RIMS1: variants seen among roughly 807,000 people sequenced by gnomAD.
The protein encoded by RIMS1 is regulating synaptic membrane exocytosis protein 1.
RIMS1 carries 83 observed loss-of-function variants against 214.1 expected under a neutral mutation model. The observed-to-expected ratio is 0.39, with a 90% CI of 0.32 to 0.47. RIMS1 has a LOEUF of 0.47. Ranked by LOEUF, RIMS1 falls within the 20% of genes least tolerant of loss-of-function variation. The pLI, the probability that RIMS1 is intolerant of heterozygous loss-of-function variation, is 0.99. For synonymous variants in RIMS1, 793 were observed against 786.8 expected, an observed-to-expected ratio of 1.01 and a Z score of -0.13; for missense variants, 2,050 against 2,161.8, an observed-to-expected ratio of 0.95 and a Z score of 1.03.
intron 26 of RIMS1, among the ~76,000 whole-genome samples, chr6:72,302,197 A>G (rs1361443604): frequency 6.6e-6 from 1 of 151,502 alleles, no homozygotes; most frequent in Non-Finnish European, 1.5e-5. Context: ...ATCTATGCCT[A>G]GTAATTCCCA....
chr6:72,348,205 ACT>A (rs1197475960), intron 29 of RIMS1, among the ~76,000 whole-genome samples: 1 of 151,882 alleles, frequency 6.6e-6, no homozygotes, highest in East Asian at 1.9e-4. Flanking sequence ...AGTACAGTTG[ACT>A]CTTAAACAAT....
intron 1 of RIMS1, among the ~76,000 whole-genome samples, chr6:71,947,282 A>G (rs550547403): frequency 6.6e-6 from 1 of 152,288 alleles, no homozygotes; most frequent in South Asian, 2.1e-4. Context: ...TATTCACAAT[A>G]GCCAAGATAT....
chr6:71,903,043 AGTG>A (rs1289577046), intron 1 of RIMS1, among the ~76,000 whole-genome samples: 1 of 152,160 alleles, frequency 6.6e-6, no homozygotes, highest in Admixed American at 6.5e-5. Context: ...GCATATACCC[AGTG>A]ATGGGATTGC....
rs544232460 is a variant in RIMS1 at position 72,350,158 on chromosome 6, C to T, written c.4366+16323C>T. The stretch of plus-strand genomic sequence containing the variant: ...TTTGTGGGAAAAATATTTAATAAAT[C>T]ACAGAATTTTAAAAATCTAATTTTT... On this transcript the variant is annotated intron_variant, in intron 29 of 33. Coordinates refer to ENST00000521978, the MANE Select transcript of RIMS1 (RefSeq NM_014989.7). Among the ~76,000 whole-genome samples the T allele has an allele frequency of 9.2e-5, 14 of 151,928 alleles. No homozygotes were observed. The South Asian group carries it at 2.9e-3, about 32-fold the overall frequency.
rs767877250 is a variant in RIMS1, at chr6:72,097,105, T to C, written c.402T>C (p.Tyr134=). Residue 134 remains tyrosine, a synonymous_variant, in exon 3 of 34, where the codon TAT becomes TAC. Coordinates refer to ENST00000521978, the MANE Select transcript of RIMS1 (RefSeq NM_014989.7). ...FADGCGHLCS[Y]CRTKFCARCG... is the part of the protein sequence containing the mutation. ...ATGGGTGCGGTCATCTCTGCTCCTATTGTCGCACTAAGTTCTGTGCGCGCT... is the reference window on the plus strand; with the variant it reads ...ATGGGTGCGGTCATCTCTGCTCCTACTGTCGCACTAAGTTCTGTGCGCGCT... 2.4e-5 allele frequency: 38 copies of C among 1,613,906 alleles called. No individual in the cohort carries two copies. Among genetic ancestry groups the C allele is most frequent in the East Asian group, 8.9e-5 (4 of 44,890 alleles).
intron 22 of RIMS1, 39 bp from the exon 23 acceptor site, chr6:72,274,310 A>T (rs2084983667): frequency 1.4e-6 from 2 of 1,422,456 alleles, no homozygotes; most frequent in Non-Finnish European, 9.9e-7. Context: ...GAGTTACTAA[A>T]TGTCCTGTTT....
intron 2 of RIMS1, among the ~76,000 whole-genome samples, chr6:71,984,290 A>T (rs1324312708): frequency 6.6e-6 from 1 of 152,132 alleles, no homozygotes; most frequent in East Asian, 1.9e-4. Context: ...ATGGGAAGTA[A>T]AGGTTGTGGA....
rs60978061 is a variant in RIMS1 at position 72,001,023 on chromosome 6, T to TAA, written c.245+31966_245+31967dup. On this transcript the variant is annotated intron_variant, in intron 2 of 33. Coordinates refer to ENST00000521978, the MANE Select transcript of RIMS1 (RefSeq NM_014989.7). ...GGTCATCCTAAATTTAAAACACCTGTAAAAAAATTCATAAATTCATATTCT... is the reference window on the plus strand; with the variant it reads ...GGTCATCCTAAATTTAAAACACCTGTAAAAAAAAATTCATAAATTCATATTCT... Among the ~76,000 whole-genome samples the TAA allele has an allele frequency of 4.6e-5, 7 of 151,908 alleles. 1 individual carries two copies. In the East Asian group the frequency reaches 1.4e-3, roughly 29 times the overall value.
At chr6:72,337,244 T>A (rs899207063) in intron 29 of RIMS1, among the ~76,000 whole-genome samples, 18 of 151,816 alleles carry the variant, frequency 1.2e-4, no homozygotes, top group African/African-American at 4.1e-4. Context: ...CCAGCCTGTG[T>A]AATGTAAGGA....
At position 72,121,023 on chromosome 6, in the gene RIMS1, T is replaced by G. The variant is rs529067325; in HGVS notation, c.471+21037T>G. ...TTCCATTGGTCTATATCTCTGTTTT[T>G]GTACCAGTAGCATGCTGTTTTGGTT... On this transcript the variant is annotated intron_variant, in intron 4 of 33. Coordinates refer to ENST00000521978, the MANE Select transcript of RIMS1 (RefSeq NM_014989.7). Among the ~76,000 whole-genome samples, 10 of 151,960 alleles carry G rather than the reference T, an allele frequency of 6.6e-5. 1 individual carries two copies. The highest frequency in any genetic ancestry group is 2.6e-4 in the Admixed American group (4 of 15,234).
At chr6:72,033,772 G>A (rs745738389) in intron 2 of RIMS1, among the ~76,000 whole-genome samples, 7 of 152,208 alleles carry the variant, frequency 4.6e-5, no homozygotes, top group East Asian at 3.9e-4. Context: ...GTGAGCTACC[G>A]TGCCCGGCCA....
chr6:72,100,565 G>A (rs148874899), intron 4 of RIMS1, among the ~76,000 whole-genome samples: 7 of 151,738 alleles, frequency 4.6e-5, no homozygotes, highest in Non-Finnish European at 1.0e-4. Context: ...AACCACAGAG[G>A]CTCTTTGTGC....
Position 72,235,675 on chromosome 6 carries a change from C to A in RIMS1, c.1804C>A (p.Leu602Ile). Reference sequence around the variant, plus strand: ...GGACCGATTAATTGGACGTGTTATTCTTAACAAGAGAACAACCATGCCCAA... The same window carrying A: ...GGACCGATTAATTGGACGTGTTATTATTAACAAGAGAACAACCATGCCCAA... Reference protein sequence around the residue: ...EGDRLIGRVILNKRTTMPKDS... With the variant: ...EGDRLIGRVIINKRTTMPKDS... Residue 602 changes from leucine to isoleucine, a missense_variant, in exon 8 of 34, where the codon CTT (leucine) becomes ATT (isoleucine). By Grantham distance (5) the Leu-to-Ile change is conservative. Coordinates refer to ENST00000521978, the MANE Select transcript of RIMS1 (RefSeq NM_014989.7). The A allele has an allele frequency of 1.2e-6, 2 of 1,610,954 alleles. No homozygotes were observed. Among genetic ancestry groups the A allele is most frequent in the South Asian group, 1.1e-5 (1 of 90,436 alleles).
intron 6 of RIMS1, among the ~76,000 whole-genome samples, chr6:72,228,706 A>G (rs1389960992): frequency 6.6e-6 from 1 of 151,842 alleles, no homozygotes; most frequent in East Asian, 1.9e-4. Context: ...TGGTAGTTCT[A>G]TTTTTAATTC....
intron 1 of RIMS1, among the ~76,000 whole-genome samples, chr6:71,957,522 G>A (rs781121172): frequency 5.6e-5 from 8 of 142,158 alleles, no homozygotes; most frequent in Non-Finnish European, 1.0e-4. Flanking sequence ...GACAAAAGTG[G>A]TGACAAATTT....
At chr6:72,022,273 C>T (rs935931876) in intron 2 of RIMS1, among the ~76,000 whole-genome samples, 1 of 152,140 alleles carries the variant, frequency 6.6e-6, no homozygotes, top group African/African-American at 2.4e-5. Context: ...AAGTTGTTTA[C>T]ACATAAAGGT....
chr6:71,896,590 G>C (rs999595866), intron 1 of RIMS1, among the ~76,000 whole-genome samples: 1 of 152,032 alleles, frequency 6.6e-6, no homozygotes, highest in Non-Finnish European at 1.5e-5. Context: ...ACAAGAAGCA[G>C]ATACTTTTGC....
chr6:72,165,446 G>T (rs1416294841), intron 4 of RIMS1, among the ~76,000 whole-genome samples: 2 of 151,970 alleles, frequency 1.3e-5, no homozygotes, highest in African/African-American at 2.4e-5. Flanking sequence ...TCTCCTGTGG[G>T]TCGGTTGGTC....
At chr6:72,143,989 A>G (rs2042391828) in intron 4 of RIMS1, among the ~76,000 whole-genome samples, 1 of 152,214 alleles carries the variant, frequency 6.6e-6, no homozygotes, top group African/African-American at 2.4e-5. Context: ...ATAGCAAGTA[A>G]ACATGTCCTG....
Sources: gnomAD v4.1 joint callset for allele counts (sites outside exome capture counted in the v4.1 genomes callset) on GRCh38, gnomAD v4.1.1 for gene constraint, MANE v1.5 for transcripts, NCBI Gene and HGNC (gene_info 2026-07-23, HGNC 2026-07-21) for gene names.